ROBO2: variants seen among roughly 807,000 people sequenced by gnomAD.
The protein encoded by ROBO2 is roundabout homolog 2.
In ROBO2, 53 loss-of-function variants were observed where a neutral mutation model predicts 160.8. The ratio of observed to expected loss-of-function variants is 0.33; its 90% CI spans 0.26 to 0.41. The LOEUF is 0.41. Among genes scored for constraint, ROBO2 ranks in the 10% least tolerant of loss-of-function variants. ROBO2 has a pLI of 1.00. For missense variants in ROBO2, 1,577 were observed against 1,722.4 expected, an observed-to-expected ratio of 0.92 and a Z score of 1.49; for synonymous variants, 664 against 611.7, an observed-to-expected ratio of 1.09 and a Z score of -1.26.
chr3:77,513,464 A>G (rs2089646207), intron 5 of ROBO2, among the ~76,000 whole-genome samples: 1 of 151,900 alleles, frequency 6.6e-6, no homozygotes. Flanking sequence ...TGAGGAAAAA[A>G]TAACATAGAT....
Position 76,626,533 on chromosome 3 carries a change from A to T in ROBO2, c.110-471481A>T, listed in dbSNP as rs142102061. Among the ~76,000 whole-genome samples the T allele has an allele frequency of 4.1e-4, 62 of 152,336 alleles. 1 individual carries two copies. The highest frequency in any genetic ancestry group is 1.4e-3 in the African/African-American group (60 of 41,588). ...AAGTATTTTGTGGAAGGAGTGATCA[A>T]ACATGTCTAATGTTGCTGCTAGGTC... On this transcript the variant is annotated intron_variant, in intron 2 of 26. Transcript: ENST00000487694.
At chr3:76,024,752 G>A (rs1250960038) in intron 2 of ROBO2, among the ~76,000 whole-genome samples, 1 of 151,476 alleles carries the variant, frequency 6.6e-6, no homozygotes, top group East Asian at 1.9e-4. Context: ...TAGCTCGGTT[G>A]GAAATGTATG....
At chr3:77,383,759 T>C (rs959218091) in intron 2 of ROBO2, among the ~76,000 whole-genome samples, 6 of 152,118 alleles carry the variant, frequency 3.9e-5, no homozygotes, top group Non-Finnish European at 7.4e-5. Flanking sequence ...TTAATTAACA[T>C]TTTTCCTTTC....
At chr3:76,806,207 C>CTGTGTG (rs781013563) in intron 2 of ROBO2, among the ~76,000 whole-genome samples, 141 of 80,514 alleles carry the variant, frequency 1.8e-3, no homozygotes, top group Non-Finnish European at 1.7e-3. Context: ...TGTTTATTTT[C>CTGTGTG]TGTGTGCGTG....
intron 2 of ROBO2, among the ~76,000 whole-genome samples, chr3:77,256,172 A>G (rs2058398115): frequency 6.6e-6 from 1 of 152,238 alleles, no homozygotes; most frequent in South Asian, 2.1e-4. Flanking sequence ...TTTCGCCAGC[A>G]GAAGTGGGAT....
chr3:76,587,574 G>C (rs955875629), intron 2 of ROBO2, among the ~76,000 whole-genome samples: 1 of 152,046 alleles, frequency 6.6e-6, no homozygotes, highest in South Asian at 2.1e-4. Flanking sequence ...TCATTATCAC[G>C]AGAACAGAAT....
At chr3:77,583,027 A>C (rs1341544260) in intron 16 of ROBO2, among the ~76,000 whole-genome samples, 1 of 151,680 alleles carries the variant, frequency 6.6e-6, no homozygotes, top group Non-Finnish European at 1.5e-5. Context: ...CTGTAGTCCC[A>C]GCTACTCGGG....
At chr3:77,317,113 A>T in intron 2 of ROBO2, 1 of 1,282,116 alleles carries the variant, frequency 7.8e-7, no homozygotes, top group Non-Finnish European at 1.1e-6. Context: ...GCTCTGGGTC[A>T]CTCAGGAAGG....
chr3:77,140,613 G>A lies in ROBO2; in HGVS notation c.388+42273G>A, dbSNP rs374936786. 3.3e-5 allele frequency among the ~76,000 whole-genome samples: 5 copies of A among 152,030 alleles called. No homozygotes were observed. In the East Asian group the frequency reaches 9.7e-4, roughly 29 times the overall value. On this transcript the variant is annotated intron_variant, in intron 2 of 25. Transcript: ENST00000461745. Reference sequence around the variant, plus strand: ...TGCAATGGAAAGTTTGTGCTCCAAGGGTCCTAGGGTATTTGAATTTCTGAC... The same window carrying A: ...TGCAATGGAAAGTTTGTGCTCCAAGAGTCCTAGGGTATTTGAATTTCTGAC...
chr3:76,048,116 G>A (rs1419315187), intron 2 of ROBO2, among the ~76,000 whole-genome samples: 1 of 152,072 alleles, frequency 6.6e-6, no homozygotes, highest in African/African-American at 2.4e-5. Flanking sequence ...TTTATGGAAT[G>A]TATTGTCAAC....
At chr3:77,205,615 G>T (rs1186133185) in intron 2 of ROBO2, among the ~76,000 whole-genome samples, 1 of 152,000 alleles carries the variant, frequency 6.6e-6, no homozygotes, top group East Asian at 1.9e-4. Context: ...TGGGGCCTTT[G>T]CATGGGAACC....
At chr3:77,527,230 ACT>A (rs2091250106) in intron 6 of ROBO2, among the ~76,000 whole-genome samples, 171 bp from the exon 7 acceptor site, 1 of 151,636 alleles carries the variant, frequency 6.6e-6, no homozygotes, top group African/African-American at 2.4e-5. Flanking sequence ...TATATTTATA[ACT>A]CTCAACTTTA....
rs571480890 is a variant in ROBO2 at position 76,680,662 on chromosome 3, G to A, written c.110-417352G>A. On this transcript the variant is annotated intron_variant, in intron 2 of 26. Transcript: ENST00000487694. ...AGATTTTTTTCTATTCACTCCTTTA[G>A]TTTTAAAATCCTAAGGAGAAGATTA... Among the ~76,000 whole-genome samples, 301 of 151,960 alleles carry A rather than the reference G, an allele frequency of 2.0e-3. 1 individual carries two copies. The highest frequency in any genetic ancestry group is 7.0e-3 in the African/African-American group (290 of 41,464).
intron 2 of ROBO2, among the ~76,000 whole-genome samples, chr3:77,409,573 C>T (rs896904806): frequency 2.0e-5 from 3 of 151,954 alleles, no homozygotes; most frequent in African/African-American, 2.4e-5. Flanking sequence ...AGAATACATG[C>T]GCCGGCTTTA....
rs188759111 is a variant in ROBO2 at position 76,407,305 on chromosome 3, T to A, written c.109+469703T>A. On this transcript the variant is annotated intron_variant, in intron 2 of 26. Coordinates refer to the ROBO2 transcript ENST00000487694. ...TGTCTTTCTGCATAGCAATTCCTGC[T>A]GTCTAAACTATTCCTGTTAATTTAC... Among the ~76,000 whole-genome samples, 11 of 152,142 alleles carry A rather than the reference T, an allele frequency of 7.2e-5. No individual in the cohort carries two copies. In the East Asian group the frequency reaches 2.1e-3, roughly 29 times the overall value.
chr3:76,869,145 G>A (rs1217426994), intron 2 of ROBO2, among the ~76,000 whole-genome samples: 1 of 152,044 alleles, frequency 6.6e-6, no homozygotes, highest in Non-Finnish European at 1.5e-5. Context: ...AGATTGCTCA[G>A]GGACCTTGCT....
intron 2 of ROBO2, among the ~76,000 whole-genome samples, chr3:76,227,456 CAAAT>C (rs747083364): frequency 2.7e-4 from 41 of 152,248 alleles, no homozygotes; most frequent in African/African-American, 5.8e-4. Context: ...TTGTACACCT[CAAAT>C]AAATCTTACG....
intron 2 of ROBO2, among the ~76,000 whole-genome samples, chr3:77,222,183 C>T (rs1284493321): frequency 6.6e-6 from 1 of 152,094 alleles, no homozygotes; most frequent in Non-Finnish European, 1.5e-5. Flanking sequence ...CTTACTTTAC[C>T]CTCCTGTCCA....
chr3:76,570,109 G>A (rs1042400863), intron 2 of ROBO2, among the ~76,000 whole-genome samples: 3 of 152,026 alleles, frequency 2.0e-5, no homozygotes, highest in Non-Finnish European at 4.4e-5. Flanking sequence ...ACTCAAGCCC[G>A]GGCAACAAAG....
Sources: allele counts gnomAD v4.1 joint callset (sites outside exome capture counted in the v4.1 genomes callset), GRCh38; gene constraint gnomAD v4.1.1; transcripts MANE v1.5; gene names NCBI Gene and HGNC (gene_info 2026-07-23, HGNC 2026-07-21).